TMEM132D: variants seen among roughly 807,000 people sequenced by gnomAD.
TMEM132D encodes mature OL transmembrane protein.
A neutral mutation model predicts 62.3 loss-of-function variants in TMEM132D; 21 were observed. The ratio of observed to expected loss-of-function variants is 0.34; its 90% CI spans 0.24 to 0.49. The LOEUF is 0.49. TMEM132D is among the 20% of genes least tolerant of loss of function. The pLI, the probability that TMEM132D is intolerant of heterozygous loss-of-function variation, is 0.99. For synonymous variants in TMEM132D, 621 were observed against 575.6 expected (o/e 1.08, Z -1.13); for missense variants, 1,346 against 1,402.8 (o/e 0.96, Z 0.65).
intron 2 of TMEM132D, chr12:129,683,212 A>C (rs1880828860): frequency 6.6e-6 from 1 of 152,148 alleles, no homozygotes; most frequent in Non-Finnish European, 1.5e-5. Flanking sequence ...TTTCCAACAC[A>C]TGTGCTCTGG....
chr12:129,793,690 T>C (rs1871469058), intron 1 of TMEM132D, among the ~76,000 whole-genome samples: 1 of 152,244 alleles, frequency 6.6e-6, no homozygotes, highest in South Asian at 2.1e-4. Context: ...TTTAAATCTC[T>C]GATAAACACA....
chr12:129,768,076 G>A (rs1184390556), intron 1 of TMEM132D, among the ~76,000 whole-genome samples: 1 of 152,050 alleles, frequency 6.6e-6, no homozygotes, highest in Admixed American at 6.6e-5. Flanking sequence ...CTCCTACCTG[G>A]TCCCTCCCAT....
chr12:129,773,775 C>T (rs1459763255), intron 1 of TMEM132D, among the ~76,000 whole-genome samples: 1 of 152,190 alleles, frequency 6.6e-6, no homozygotes, highest in East Asian at 1.9e-4. Context: ...TTGGAAGTAA[C>T]ATAAATCAAC....
chr12:129,075,108 G>A (rs749117517), intron 8 of TMEM132D, 49 bp from the exon 9 acceptor site: 2 of 1,505,556 alleles, frequency 1.3e-6, no homozygotes, highest in Admixed American at 1.8e-5. Flanking sequence ...AAAGCTCATT[G>A]AGCCCCAAGT....
intron 1 of TMEM132D, among the ~76,000 whole-genome samples, chr12:129,881,357 G>A (rs183983935): frequency 6.6e-6 from 1 of 151,926 alleles, no homozygotes; most frequent in East Asian, 1.9e-4. Flanking sequence ...TCATCTAATT[G>A]ACATTTACAG....
intron 4 of TMEM132D, among the ~76,000 whole-genome samples, chr12:129,303,928 AG>A (rs1396695570): frequency 6.6e-6 from 1 of 152,174 alleles, no homozygotes; most frequent in Non-Finnish European, 1.5e-5. Context: ...TCCCAGCTCA[AG>A]AAGACAGAGG....
chr12:129,572,006 C>A (rs1039857076), intron 2 of TMEM132D, among the ~76,000 whole-genome samples: 5 of 152,166 alleles, frequency 3.3e-5, no homozygotes, highest in East Asian at 1.9e-4. Flanking sequence ...GCCATGCATG[C>A]TAACGGGCTA....
chr12:129,117,454 C>T (rs1875929348), intron 5 of TMEM132D, among the ~76,000 whole-genome samples: 1 of 152,098 alleles, frequency 6.6e-6, no homozygotes, highest in African/African-American at 2.4e-5. Flanking sequence ...TCAGGTCTGC[C>T]CCAAAAGCTG....
chr12:129,129,638 C>T (rs1371357674), intron 5 of TMEM132D, among the ~76,000 whole-genome samples: 1 of 152,116 alleles, frequency 6.6e-6, no homozygotes, highest in Non-Finnish European at 1.5e-5. Flanking sequence ...TTTGCACAGC[C>T]TCGCCAGCTC....
chr12:129,661,654 A>G (rs1880240908), intron 2 of TMEM132D, among the ~76,000 whole-genome samples: 1 of 152,208 alleles, frequency 6.6e-6, no homozygotes, highest in African/African-American at 2.4e-5. Flanking sequence ...ATTCCCTCAA[A>G]AGTAGCTCTT....
intron 3 of TMEM132D, among the ~76,000 whole-genome samples, chr12:129,408,291 G>A (rs1255652646): frequency 6.6e-6 from 1 of 152,118 alleles, no homozygotes; most frequent in Non-Finnish European, 1.5e-5. Context: ...TTTTCTAGAG[G>A]AATTTTAGAA....
chr12:129,616,306 G>A (rs1316551539), intron 2 of TMEM132D, among the ~76,000 whole-genome samples: 1 of 152,132 alleles, frequency 6.6e-6, no homozygotes, highest in African/African-American at 2.4e-5. Context: ...GAAACCCAAG[G>A]CAGACTGGCA....
intron 1 of TMEM132D, among the ~76,000 whole-genome samples, chr12:129,871,072 C>T (rs990432840): frequency 1.3e-5 from 2 of 152,074 alleles, no homozygotes; most frequent in Non-Finnish European, 2.9e-5. Flanking sequence ...GTGCCCATTT[C>T]CCTTTGGAAT....
intron 1 of TMEM132D, among the ~76,000 whole-genome samples, chr12:129,815,194 T>C (rs1374999336): frequency 6.6e-6 from 1 of 152,190 alleles, no homozygotes; most frequent in Non-Finnish European, 1.5e-5. Flanking sequence ...TATATACATG[T>C]GATGGATTCA....
intron 4 of TMEM132D, among the ~76,000 whole-genome samples, chr12:129,317,950 G>A (rs1868541191): frequency 1.3e-5 from 2 of 151,700 alleles, no homozygotes; most frequent in African/African-American, 4.8e-5. Flanking sequence ...GACTTTCCAG[G>A]GCATTTCACA....
intron 4 of TMEM132D, among the ~76,000 whole-genome samples, chr12:129,289,547 T>TAAAAAAAAAAA (rs59709658): frequency 3.3e-5 from 3 of 92,088 alleles, no homozygotes; most frequent in Non-Finnish European, 4.7e-5. Context: ...TCCATCTCAA[T>TAAAAAAAAAAA]AAAAAAAAAA....
At chr12:129,616,925 A>G (rs1878932951) in intron 2 of TMEM132D, among the ~76,000 whole-genome samples, 1 of 152,202 alleles carries the variant, frequency 6.6e-6, no homozygotes, top group African/African-American at 2.4e-5. Flanking sequence ...GAGATGAAGA[A>G]CACTGGATTT....
At chr12:129,879,169 T>C (rs1394962674) in intron 1 of TMEM132D, among the ~76,000 whole-genome samples, 7 of 152,294 alleles carry the variant, frequency 4.6e-5, no homozygotes, top group Non-Finnish European at 7.4e-5. Flanking sequence ...ATAAAATCAA[T>C]CCCAGACATA....
At position 129,517,169 on chromosome 12, in the gene TMEM132D, G is replaced by A. The variant is rs71466405; in HGVS notation, c.1115+13890C>T. Among the ~76,000 whole-genome samples, 10 of 152,084 alleles carry A rather than the reference G, an allele frequency of 6.6e-5. No individual in the cohort carries two copies. In the South Asian group the frequency reaches 1.7e-3, roughly 25 times the overall value. ...AGGGTGAGGGTGGGAGTGGGAGTGG[G>A]AGGTATTATTCAGCCCACCACAGAA... On this transcript the variant is annotated intron_variant, in intron 3 of 8. Transcript: ENST00000422113.
Sources: gnomAD v4.1 joint callset for allele counts (sites outside exome capture counted in the v4.1 genomes callset) on GRCh38, gnomAD v4.1.1 for gene constraint, MANE v1.5 for transcripts, NCBI Gene and HGNC (gene_info 2026-07-23, HGNC 2026-07-21) for gene names.